Variants in CFAP61 observed in about 807,000 individuals in gnomAD.
CFAP61 encodes cilia- and flagella-associated protein 61.
A neutral mutation model predicts 135.6 loss-of-function variants in CFAP61; 107 were observed. That is an observed-to-expected ratio of 0.79 (90% CI 0.67 to 0.93). The LOEUF (loss-of-function observed/expected upper bound fraction) is 0.93. Ranked by LOEUF, CFAP61 falls within the 40% of genes least tolerant of loss-of-function variation. The probability of loss-of-function intolerance (pLI) is 0.00; values close to 1 mark genes in which losing one functional copy is unlikely to be tolerated. For synonymous variants in CFAP61, 575 were observed against 578.5 expected, an observed-to-expected ratio of 0.99 and a Z score of 0.09; for missense variants, 1,507 against 1,556.2, an observed-to-expected ratio of 0.97 and a Z score of 0.53.
intron 19 of CFAP61, among the ~76,000 whole-genome samples, chr20:20,249,887 A>C (rs1009540119): frequency 6.6e-6 from 1 of 152,198 alleles, no homozygotes; most frequent in Non-Finnish European, 1.5e-5. Flanking sequence ...GATAAAAAAC[A>C]ATCTTTCATG....
intron 9 of CFAP61, among the ~76,000 whole-genome samples, chr20:20,144,236 A>G (rs887100875): frequency 6.6e-6 from 1 of 152,244 alleles, no homozygotes; most frequent in South Asian, 2.1e-4. Context: ...CTGGTAATAT[A>G]TTATGCATAA....
intron 12 of CFAP61, among the ~76,000 whole-genome samples, chr20:20,167,702 A>G (rs1440257573): frequency 6.6e-6 from 1 of 152,194 alleles, no homozygotes; most frequent in Admixed American, 6.5e-5. Context: ...TATTTCAGCA[A>G]CTTGACTCTC....
At chr20:20,096,124 C>G (rs2047549477) in intron 7 of CFAP61, among the ~76,000 whole-genome samples, 1 of 152,156 alleles carries the variant, frequency 6.6e-6, no homozygotes, top group South Asian at 2.1e-4. Context: ...CAATGCCTTT[C>G]TGTTGTACAA....
At chr20:20,080,320 T>G (rs777014347) in intron 6 of CFAP61, among the ~76,000 whole-genome samples, 3 of 152,222 alleles carry the variant, frequency 2.0e-5, no homozygotes, top group Non-Finnish European at 4.4e-5. Flanking sequence ...ATTTATCATC[T>G]TTAGAGATCA....
chr20:20,109,854 T>A (rs1600701568), intron 8 of CFAP61, among the ~76,000 whole-genome samples: 2 of 152,310 alleles, frequency 1.3e-5, no homozygotes, highest in East Asian at 3.9e-4. Context: ...TTCTCCTGAT[T>A]TCTTTGAATG....
chr20:20,191,287 A>T, intron 14 of CFAP61, 55 bp from the exon 15 acceptor site: 1 of 1,483,464 alleles, frequency 6.7e-7, no homozygotes, highest in Non-Finnish European at 9.4e-7. Context: ...CCTGCTTACA[A>T]AAACATTCAT....
At chr20:20,090,780 G>C in intron 6 of CFAP61, 64 bp from the exon 7 acceptor site, 1 of 1,559,474 alleles carries the variant, frequency 6.4e-7, no homozygotes, top group Non-Finnish European at 8.8e-7. Flanking sequence ...GCACACAGTT[G>C]GTGCCCTGTT....
chr20:20,171,910 T>A, intron 13 of CFAP61: 1 of 568,202 alleles, frequency 1.8e-6, no homozygotes, highest in South Asian at 2.5e-5. Flanking sequence ...CGGAGCACCG[T>A]AGCCACATTG....
At chr20:20,176,179 C>T (rs2054613407) in intron 13 of CFAP61, among the ~76,000 whole-genome samples, 2 of 151,888 alleles carry the variant, frequency 1.3e-5, no homozygotes, top group African/African-American at 4.8e-5. Context: ...ATCAGAATGG[C>T]GATTATTAAA....
At chr20:20,190,864 A>G (rs564433552) in intron 14 of CFAP61, among the ~76,000 whole-genome samples, 5 of 152,218 alleles carry the variant, frequency 3.3e-5, no homozygotes, top group African/African-American at 7.2e-5. Flanking sequence ...CACGCGTGCA[A>G]TCCTAGCACT....
intron 20 of CFAP61, among the ~76,000 whole-genome samples, chr20:20,257,726 T>C (rs1311025100): frequency 6.6e-6 from 1 of 151,688 alleles, no homozygotes; most frequent in African/African-American, 2.4e-5. Flanking sequence ...AAATGTAATC[T>C]AAATAATTGT....
At chr20:20,120,276 A>G (rs1200503845) in intron 8 of CFAP61, among the ~76,000 whole-genome samples, 3 of 152,152 alleles carry the variant, frequency 2.0e-5, no homozygotes, top group African/African-American at 4.8e-5. Flanking sequence ...TTTTATTGCT[A>G]TGAACTTTCC....
At position 20,135,449 on chromosome 20, in the gene CFAP61, C is replaced by T. The variant is rs559114098; in HGVS notation, c.860-7408C>T. 3.3e-5 allele frequency among the ~76,000 whole-genome samples: 5 copies of T among 152,304 alleles called. No individual in the cohort carries two copies. The East Asian group carries it at 7.7e-4, about 24-fold the overall frequency. On this transcript the variant is annotated intron_variant, in intron 8 of 26. Coordinates refer to ENST00000245957, the MANE Select transcript of CFAP61 (RefSeq NM_015585.4). ...ACATGTCAAGAAATAAGGACTTACT[C>T]ACTCTTCAGAAAGAACTCCTTGAAA...
At chr20:20,306,264 T>C (rs2056469233) in intron 25 of CFAP61, among the ~76,000 whole-genome samples, 1 of 152,210 alleles carries the variant, frequency 6.6e-6, no homozygotes, top group South Asian at 2.1e-4. Context: ...TAGTCCAAAA[T>C]GAATGTTCAG....
At position 20,263,132 on chromosome 20, in the gene CFAP61, T is replaced by A. The variant is rs750992545; in HGVS notation, c.2503+2T>A. 1.9e-5 allele frequency: 30 copies of A among 1,609,010 alleles called. No individual in the cohort carries two copies. The highest frequency in any genetic ancestry group is 2.2e-5 in the Non-Finnish European group (26 of 1,176,708). ...GGAATAACTCCATCACCACAGAAGGTAAGGATGTCGGTAACTGTGCATCTC... is the reference window on the plus strand; with the variant it reads ...GGAATAACTCCATCACCACAGAAGGAAAGGATGTCGGTAACTGTGCATCTC... On this transcript the variant is annotated splice_donor_variant, in intron 21 of 26. Transcript: ENST00000245957. LOFTEE classifies it high-confidence loss of function.
chr20:20,100,593 C>T (rs550383307), intron 8 of CFAP61, among the ~76,000 whole-genome samples: 5 of 152,274 alleles, frequency 3.3e-5, no homozygotes, highest in South Asian at 4.1e-4. Flanking sequence ...CTTAGCTCAG[C>T]GCCAAACACA....
chr20:20,172,176 T>C, intron 13 of CFAP61: 4 of 862,314 alleles, frequency 4.6e-6, no homozygotes, highest in Admixed American at 6.0e-5. Flanking sequence ...ATCTTGTGTA[T>C]GTATAGAAGT....
intron 19 of CFAP61, among the ~76,000 whole-genome samples, chr20:20,248,173 C>A (rs1310862673): frequency 6.6e-6 from 1 of 152,166 alleles, no homozygotes; most frequent in Non-Finnish European, 1.5e-5. Context: ...TGCAAAACTC[C>A]TCTCAAGCAA....
At chr20:20,302,044 A>G (rs1008881575) in intron 25 of CFAP61, among the ~76,000 whole-genome samples, 2 of 152,204 alleles carry the variant, frequency 1.3e-5, no homozygotes, top group African/African-American at 2.4e-5. Flanking sequence ...CAATTTAGGT[A>G]TTCTTTAATG....
Sources: gnomAD v4.1 joint callset for allele counts (sites outside exome capture counted in the v4.1 genomes callset) on GRCh38, gnomAD v4.1.1 for gene constraint, MANE v1.5 for transcripts, NCBI Gene and HGNC (gene_info 2026-07-23, HGNC 2026-07-21) for gene names.